Variants in NEGR1 observed in about 807,000 individuals in gnomAD.
The protein encoded by NEGR1 is IgLON family member 4.
Under a neutral mutation model 40.9 loss-of-function variants are expected in NEGR1, and 10 were observed. The ratio of observed to expected loss-of-function variants is 0.24; its 90% CI spans 0.15 to 0.42. The LOEUF is 0.42. NEGR1 is among the 10% of genes least tolerant of loss of function. The pLI is 1.00. For synonymous variants in NEGR1, 185 were observed against 166.8 expected (o/e 1.11, Z -0.84); for missense variants, 352 against 438.9 (o/e 0.80, Z 1.77).
chr1:71,407,363 T>C lies in NEGR1; in HGVS notation c.*83A>G. On this transcript the variant is annotated 3_prime_UTR_variant, in exon 7 of 7. Coordinates refer to ENST00000357731, the MANE Select transcript of NEGR1 (RefSeq NM_173808.3). ...AAGCACTGCTGATTATATCCCACGC[T>C]GCTTTTAACAAACTGTACCAGATTG... 7.5e-7 allele frequency: 1 copy of C among 1,333,638 alleles called. No individual in the cohort carries two copies. The highest frequency in any genetic ancestry group is 1.1e-6 in the Non-Finnish European group (1 of 948,766). 82.6% of individuals were successfully genotyped at this position (1,333,638 alleles called of 1,614,324 possible).
intron 1 of NEGR1, among the ~76,000 whole-genome samples, chr1:72,085,363 A>G (rs1648172324): frequency 6.6e-6 from 1 of 152,184 alleles, no homozygotes; most frequent in African/African-American, 2.4e-5. Context: ...TTCCAGAGTT[A>G]ATATTGTTGT....
intron 3 of NEGR1, among the ~76,000 whole-genome samples, chr1:71,747,669 C>T (rs1392560094): frequency 5.3e-5 from 8 of 152,284 alleles, no homozygotes; most frequent in African/African-American, 1.9e-4. Flanking sequence ...AAATGATCCA[C>T]CTGCCTCAGC....
chr1:72,097,925 T>C (rs1208619830), intron 1 of NEGR1, among the ~76,000 whole-genome samples: 1 of 152,232 alleles, frequency 6.6e-6, no homozygotes, highest in South Asian at 2.1e-4. Flanking sequence ...GATACCCCCA[T>C]ATCTCTTTCT....
intron 2 of NEGR1, among the ~76,000 whole-genome samples, chr1:71,926,346 GA>G (rs56677701): frequency 2.0e-4 from 29 of 146,070 alleles, no homozygotes; most frequent in African/African-American, 5.0e-4. Context: ...CTGAAAACTT[GA>G]AAAAAAAAAG....
chr1:72,135,385 AAAAACAAAAAAC>A (rs1268468717), intron 1 of NEGR1, among the ~76,000 whole-genome samples: 37 of 136,892 alleles, frequency 2.7e-4, no homozygotes, highest in African/African-American at 9.2e-4. Context: ...CAAAAAAAAA[AAAAACAAAAAAC>A]AAAAAACAAA....
chr1:72,246,076 A>G (rs1654893563), intron 1 of NEGR1, among the ~76,000 whole-genome samples: 1 of 152,162 alleles, frequency 6.6e-6, no homozygotes, highest in African/African-American at 2.4e-5. Context: ...AATTACAGTT[A>G]CCTTACTGCA....
intron 6 of NEGR1, among the ~76,000 whole-genome samples, chr1:71,442,995 G>T (rs1355772547): frequency 6.6e-6 from 1 of 152,188 alleles, no homozygotes; most frequent in African/African-American, 2.4e-5. Flanking sequence ...AGCCAGTGGT[G>T]GAGGATAAGT....
At chr1:72,243,817 T>G (rs1236832671) in intron 1 of NEGR1, among the ~76,000 whole-genome samples, 1 of 151,870 alleles carries the variant, frequency 6.6e-6, no homozygotes, top group Non-Finnish European at 1.5e-5. Context: ...TTATGACACT[T>G]CAAATTATTT....
At chr1:71,614,452 A>T (rs1019564761) in intron 4 of NEGR1, among the ~76,000 whole-genome samples, 7 of 152,200 alleles carry the variant, frequency 4.6e-5, no homozygotes, top group African/African-American at 1.4e-4. Context: ...TAAATATATT[A>T]AAAAATCTAT....
chr1:71,471,860 A>C (rs1366752732), intron 6 of NEGR1, among the ~76,000 whole-genome samples: 1 of 151,990 alleles, frequency 6.6e-6, no homozygotes, highest in Non-Finnish European at 1.5e-5. Context: ...CCTTCTTCAC[A>C]ACAGAACAAC....
At chr1:72,155,910 G>T (rs1021283897) in intron 1 of NEGR1, among the ~76,000 whole-genome samples, 1 of 152,102 alleles carries the variant, frequency 6.6e-6, no homozygotes, top group Admixed American at 6.6e-5. Flanking sequence ...GAAATATGGA[G>T]AAAAAGTAAG....
chr1:72,261,096 T>C (rs1274986050), intron 1 of NEGR1, among the ~76,000 whole-genome samples: 1 of 152,042 alleles, frequency 6.6e-6, no homozygotes, highest in African/African-American at 2.4e-5. Flanking sequence ...AAAAATCATG[T>C]TTTACAGTAA....
At chr1:71,757,289 C>G (rs1014975123) in intron 3 of NEGR1, among the ~76,000 whole-genome samples, 2 of 152,078 alleles carry the variant, frequency 1.3e-5, no homozygotes, top group Non-Finnish European at 2.9e-5. Context: ...AGAGAATGCT[C>G]TCCATAAAAT....
At chr1:71,793,803 A>C (rs1657218407) in intron 2 of NEGR1, among the ~76,000 whole-genome samples, 1 of 152,124 alleles carries the variant, frequency 6.6e-6, no homozygotes, top group Admixed American at 6.5e-5. Flanking sequence ...ATATGTATAT[A>C]TATATAATCA....
intron 1 of NEGR1, among the ~76,000 whole-genome samples, chr1:72,266,004 A>G (rs1655626226): frequency 6.6e-6 from 1 of 150,936 alleles, no homozygotes; most frequent in African/African-American, 2.4e-5. Context: ...ATAGCATTAA[A>G]TTTTTAAAAT....
chr1:71,533,663 C>G, intron 6 of NEGR1, among the ~76,000 whole-genome samples: 1 of 151,638 alleles, frequency 6.6e-6, no homozygotes, highest in Admixed American at 6.6e-5. Context: ...AAATATCTAA[C>G]AAATAAATTC....
At chr1:71,489,087 C>A (rs1430994207) in intron 6 of NEGR1, among the ~76,000 whole-genome samples, 1 of 151,558 alleles carries the variant, frequency 6.6e-6, no homozygotes, top group Non-Finnish European at 1.5e-5. Context: ...TTACTTCTTC[C>A]TCATTGTATG....
chr1:72,031,321 G>T (rs2100439290), intron 1 of NEGR1, among the ~76,000 whole-genome samples: 1 of 152,228 alleles, frequency 6.6e-6, no homozygotes, highest in South Asian at 2.1e-4. Flanking sequence ...ATGTAAGATG[G>T]ATCTGAGGAG....
At chr1:72,255,544 C>CATCT (rs1557600548) in intron 1 of NEGR1, among the ~76,000 whole-genome samples, 1 of 119,856 alleles carries the variant, frequency 8.3e-6, no homozygotes, top group African/African-American at 3.0e-5. Flanking sequence ...ATCAAAAATA[C>CATCT]TTCTTTTTTT....
Sources: gnomAD v4.1 joint callset for allele counts (sites outside exome capture counted in the v4.1 genomes callset) on GRCh38, gnomAD v4.1.1 for gene constraint, MANE v1.5 for transcripts, NCBI Gene and HGNC (gene_info 2026-07-23, HGNC 2026-07-21) for gene names.